The following PTPRM variants were observed in gnomAD, a reference collection of about 807,000 sequenced individuals.
PTPRM encodes protein tyrosine phosphatase receptor type M, also known as receptor-type tyrosine-protein phosphatase mu.
A neutral mutation model predicts 186.7 loss-of-function variants in PTPRM; 47 were observed. That is an observed-to-expected ratio of 0.25 (90% confidence interval 0.20 to 0.32). The LOEUF is 0.32. Among genes scored for constraint, PTPRM ranks in the 10% least tolerant of loss-of-function variants. PTPRM has a pLI of 1.00. For synonymous variants in PTPRM, 668 were observed against 674.9 expected (o/e 0.99, Z 0.16); for missense variants, 1,494 against 1,865.0 (o/e 0.80, Z 3.66).
chr18:8,002,915 T>C (rs966100103), intron 7 of PTPRM, among the ~76,000 whole-genome samples: 2 of 152,072 alleles, frequency 1.3e-5, no homozygotes, highest in Admixed American at 6.6e-5. Flanking sequence ...GGAGTTCTTA[T>C]TTTTTTTAAT....
intron 32 of PTPRM, among the ~76,000 whole-genome samples, chr18:8,402,165 C>T (rs939150429): frequency 1.3e-5 from 2 of 152,196 alleles, no homozygotes; most frequent in Non-Finnish European, 2.9e-5. Flanking sequence ...CAAATGTAAT[C>T]AGTTTCCAAT....
At chr18:8,015,130 A>C (rs2084777951) in intron 7 of PTPRM, among the ~76,000 whole-genome samples, 1 of 152,124 alleles carries the variant, frequency 6.6e-6, no homozygotes, top group Non-Finnish European at 1.5e-5. Flanking sequence ...TCTCATGTCT[A>C]TGTGACTACA....
At chr18:8,305,981 T>G (rs929437981) in intron 20 of PTPRM, among the ~76,000 whole-genome samples, 1 of 152,048 alleles carries the variant, frequency 6.6e-6, no homozygotes, top group East Asian at 1.9e-4. Flanking sequence ...CACTGCGGCC[T>G]CTGCCTCCTG....
At chr18:7,717,248 C>A (rs186154645) in intron 1 of PTPRM, among the ~76,000 whole-genome samples, 1 of 152,094 alleles carries the variant, frequency 6.6e-6, no homozygotes, top group East Asian at 1.9e-4. Flanking sequence ...GGCCCCACCC[C>A]ACCCCATCCT....
intron 7 of PTPRM, among the ~76,000 whole-genome samples, chr18:8,068,287 C>T (rs2089230698): frequency 6.6e-6 from 1 of 152,106 alleles, no homozygotes; most frequent in Non-Finnish European, 1.5e-5. Flanking sequence ...GAGCACACTT[C>T]AGACAAACAA....
chr18:7,728,613 T>G (rs528861933), intron 1 of PTPRM, among the ~76,000 whole-genome samples: 5 of 152,332 alleles, frequency 3.3e-5, no homozygotes, highest in Admixed American at 2.0e-4. Flanking sequence ...GCAGGCAAAC[T>G]GGGGCAGATG....
intron 21 of PTPRM, among the ~76,000 whole-genome samples, chr18:8,315,060 A>G (rs1601770456): frequency 6.6e-6 from 1 of 152,238 alleles, no homozygotes; most frequent in Non-Finnish European, 1.5e-5. Context: ...AAAAGCAAAC[A>G]CATGAATATT....
rs149076470 is a variant in PTPRM at position 7,616,641 on chromosome 18, C to T, written c.73+48750C>T. The stretch of plus-strand genomic sequence containing the variant: ...ACTACCAGCCCGGGCACCCCTCACT[C>T]GTGGGCCCGCCTCTTTCCTCTTTGT... On this transcript the variant is annotated intron_variant, in intron 1 of 32. Coordinates refer to ENST00000580170, the MANE Select transcript of PTPRM (RefSeq NM_001105244.2). Among the ~76,000 whole-genome samples the T allele has an allele frequency of 1.2e-3, 190 of 152,292 alleles. 2 individuals carry two copies. In the Middle Eastern group the frequency reaches 0.017, roughly 14 times the overall value.
chr18:8,281,381 C>T (rs891063191), intron 19 of PTPRM, among the ~76,000 whole-genome samples: 3 of 152,176 alleles, frequency 2.0e-5, no homozygotes, highest in African/African-American at 7.2e-5. Flanking sequence ...CCACCTACAG[C>T]AGGATGCTTG....
intron 13 of PTPRM, among the ~76,000 whole-genome samples, chr18:8,140,541 G>T (rs1288618242): frequency 6.7e-6 from 1 of 149,202 alleles, no homozygotes; most frequent in African/African-American, 2.5e-5. Context: ...TATTTTCTTG[G>T]CCATTATAAA....
chr18:8,335,003 C>A (rs12960980), intron 22 of PTPRM, among the ~76,000 whole-genome samples: 15,286 of 152,258 alleles, frequency 0.1, 1,004 homozygotes, highest in Middle Eastern at 0.19. Flanking sequence ...TTCCAACAAC[C>A]AAACACTTCT....
intron 1 of PTPRM, among the ~76,000 whole-genome samples, chr18:7,605,528 A>G (rs540183936): frequency 1.3e-5 from 2 of 152,172 alleles, no homozygotes; most frequent in African/African-American, 4.8e-5. Flanking sequence ...ATAGATGTAT[A>G]AGGGAGGCAA....
rs150264120 is a variant in PTPRM, at chr18:8,162,982, G to C, written c.2300+19203G>C. On this transcript the variant is annotated intron_variant, in intron 14 of 32. Transcript: ENST00000580170. ...CAGGGCACATCTAACAGAGCCAGCC[G>C]TCAGCCACACACCTGCCCTCAGCCA... Among the ~76,000 whole-genome samples the C allele has an allele frequency of 7.2e-5, 11 of 152,266 alleles. No homozygotes were observed. In the East Asian group the frequency reaches 2.1e-3, roughly 29 times the overall value.
intron 32 of PTPRM, among the ~76,000 whole-genome samples, chr18:8,405,581 C>T (rs539137433): frequency 2.0e-4 from 30 of 152,294 alleles, no homozygotes; most frequent in Middle Eastern, 3.4e-3. Context: ...CACTGGATCA[C>T]GGACTTCTCA....
At chr18:8,181,901 A>G (rs1259723696) in intron 14 of PTPRM, among the ~76,000 whole-genome samples, 1 of 152,230 alleles carries the variant, frequency 6.6e-6, no homozygotes, top group African/African-American at 2.4e-5. Context: ...TGGAACTCAA[A>G]GGAAACCCCT....
At chr18:7,861,934 C>T (rs1192976670) in intron 2 of PTPRM, among the ~76,000 whole-genome samples, 3 of 152,170 alleles carry the variant, frequency 2.0e-5, no homozygotes, top group Non-Finnish European at 2.9e-5. Context: ...CTTAAGATTT[C>T]TGTCTTACCT....
intron 22 of PTPRM, among the ~76,000 whole-genome samples, chr18:8,324,804 G>A (rs1337770138): frequency 1.3e-5 from 2 of 152,172 alleles, no homozygotes; most frequent in Non-Finnish European, 2.9e-5. Flanking sequence ...ACCTAAAAGT[G>A]CAAAGGCCAG....
chr18:7,636,008 G>A (rs1205443572), intron 1 of PTPRM, among the ~76,000 whole-genome samples: 3 of 152,330 alleles, frequency 2.0e-5, no homozygotes, highest in Non-Finnish European at 4.4e-5. Context: ...GGTAGGAAGA[G>A]CAGTGGAGAG....
chr18:7,769,148 C>A (rs749309459), intron 1 of PTPRM, among the ~76,000 whole-genome samples: 2 of 152,004 alleles, frequency 1.3e-5, no homozygotes, highest in Non-Finnish European at 2.9e-5. Context: ...TCCCAGGGTT[C>A]TGGGAAGGAA....
Sources: allele counts gnomAD v4.1 joint callset (sites outside exome capture counted in the v4.1 genomes callset), GRCh38; gene constraint gnomAD v4.1.1; transcripts MANE v1.5; gene names NCBI Gene and HGNC (gene_info 2026-07-23, HGNC 2026-07-21).